The following GABBR2 variants were observed in gnomAD, a reference collection of about 807,000 sequenced individuals.
GABBR2 encodes the protein gamma-aminobutyric acid type B receptor subunit 2.
Under a neutral mutation model 105.6 loss-of-function variants are expected in GABBR2, and 23 were observed. That is an observed-to-expected ratio of 0.22 (90% CI 0.16 to 0.31). The LOEUF (loss-of-function observed/expected upper bound fraction) is 0.31. Ranked by LOEUF, GABBR2 falls within the 10% of genes least tolerant of loss-of-function variation. The probability of loss-of-function intolerance (pLI) is 1.00; values close to 1 mark genes in which losing one functional copy is unlikely to be tolerated. For synonymous variants in GABBR2, 478 were observed against 499.7 expected, an observed-to-expected ratio of 0.96 and a Z score of 0.58; for missense variants, 734 against 1,245.5, an observed-to-expected ratio of 0.59 and a Z score of 6.18.
At chr9:98,701,922 A>G (rs569234772) in intron 1 of GABBR2, among the ~76,000 whole-genome samples, 5 of 152,270 alleles carry the variant, frequency 3.3e-5, no homozygotes, top group Admixed American at 6.5e-5. Flanking sequence ...GATTGTACGG[A>G]AATAATAACA....
At chr9:98,377,639 C>A (rs950067523) in intron 11 of GABBR2, among the ~76,000 whole-genome samples, 2 of 152,182 alleles carry the variant, frequency 1.3e-5, no homozygotes, top group African/African-American at 4.8e-5. Flanking sequence ...ATTGTGGGAA[C>A]AAGAGTGCTG....
intron 3 of GABBR2, among the ~76,000 whole-genome samples, chr9:98,505,911 C>T (rs11788107): frequency 0.12 from 18,268 of 152,050 alleles, 1,788 homozygotes; most frequent in East Asian, 0.51. Flanking sequence ...TAGTTTGTGG[C>T]GATTTGTTTC....
intron 1 of GABBR2, among the ~76,000 whole-genome samples, chr9:98,705,984 G>C (rs544147460): frequency 6.6e-6 from 1 of 152,156 alleles, no homozygotes; most frequent in Admixed American, 6.5e-5. Context: ...GCTGAGGCAG[G>C]AGAATCACTT....
intron 7 of GABBR2, among the ~76,000 whole-genome samples, chr9:98,447,063 CTTT>C (rs369338702): frequency 1.0e-4 from 12 of 116,336 alleles, no homozygotes; most frequent in East Asian, 3.6e-4. Flanking sequence ...AAAAAGACTT[CTTT>C]TTTTTTTTTT....
chr9:98,654,027 G>A (rs1460616352), intron 1 of GABBR2, among the ~76,000 whole-genome samples: 1 of 152,174 alleles, frequency 6.6e-6, no homozygotes, highest in Non-Finnish European at 1.5e-5. Flanking sequence ...GACTATCCTG[G>A]GACTTACATT....
At chr9:98,690,807 G>T (rs1485633954) in intron 1 of GABBR2, among the ~76,000 whole-genome samples, 1 of 152,166 alleles carries the variant, frequency 6.6e-6, no homozygotes, top group African/African-American at 2.4e-5. Flanking sequence ...AACTGTGTGT[G>T]CACCTGCATC....
At chr9:98,566,244 G>C (rs796242094) in intron 2 of GABBR2, among the ~76,000 whole-genome samples, 2 of 152,106 alleles carry the variant, frequency 1.3e-5, no homozygotes, top group African/African-American at 4.8e-5. Flanking sequence ...GTGGGTTTTT[G>C]TATTTTACCA....
At chr9:98,497,885 T>A (rs193098219) in intron 3 of GABBR2, among the ~76,000 whole-genome samples, 6 of 152,334 alleles carry the variant, frequency 3.9e-5, no homozygotes, top group African/African-American at 1.2e-4. Flanking sequence ...TCTGGGCACG[T>A]ACCCAAAAGA....
At chr9:98,467,168 T>C (rs1458014117) in intron 6 of GABBR2, among the ~76,000 whole-genome samples, 4 of 152,196 alleles carry the variant, frequency 2.6e-5, no homozygotes, top group African/African-American at 9.7e-5. Flanking sequence ...TCCAGTGAGG[T>C]GGCAACATAC....
chr9:98,304,553 G>A (rs547849760), intron 15 of GABBR2, among the ~76,000 whole-genome samples: 3 of 152,196 alleles, frequency 2.0e-5, no homozygotes, highest in East Asian at 3.9e-4. Flanking sequence ...TTTAGGCTGG[G>A]CAGGTGTGGA....
chr9:98,383,725 A>G (rs1050733760), intron 11 of GABBR2, among the ~76,000 whole-genome samples: 22 of 152,210 alleles, frequency 1.4e-4, no homozygotes, highest in African/African-American at 5.3e-4. Context: ...CAATTTCTCG[A>G]TGATGTGTAA....
rs574771107 is a variant in GABBR2, at chr9:98,492,349, TAAAA to T, written c.732+4060_732+4063del. On this transcript the variant is annotated intron_variant, in intron 4 of 18. Transcript: ENST00000259455. ...GAGCCCGCTTAAGTTTGTTTCCTAG[TAAAA>T]AAAAAAAAAAAAAAAAAAAAAAAAT... Among the ~76,000 whole-genome samples, 174 of 29,218 alleles carry T rather than the reference TAAAA, an allele frequency of 6.0e-3. 2 individuals are homozygous for T. The East Asian group carries it at 0.088, about 15-fold the overall frequency. The allele number at this position is 29,218 out of a possible 152,430, so 19.2% of individuals were successfully genotyped here.
chr9:98,515,772 CTG>C (rs34883729), intron 3 of GABBR2, among the ~76,000 whole-genome samples: 17,128 of 152,172 alleles, frequency 0.11, 1,626 homozygotes, highest in East Asian at 0.49. Flanking sequence ...AGGATTGACT[CTG>C]GAGTGAATTT....
At chr9:98,406,347 C>G (rs372358569) in intron 7 of GABBR2, among the ~76,000 whole-genome samples, 1 of 152,222 alleles carries the variant, frequency 6.6e-6, no homozygotes, top group African/African-American at 2.4e-5. Context: ...TTGAGGAGAA[C>G]AAAATCAATA....
chr9:98,525,427 G>A (rs1198233500), intron 3 of GABBR2, among the ~76,000 whole-genome samples: 1 of 152,186 alleles, frequency 6.6e-6, no homozygotes, highest in African/African-American at 2.4e-5. Context: ...TTATTCATTA[G>A]AGAAATGCAC....
intron 8 of GABBR2, among the ~76,000 whole-genome samples, chr9:98,398,649 C>A (rs1832336978): frequency 6.6e-6 from 1 of 152,140 alleles, no homozygotes; most frequent in Non-Finnish European, 1.5e-5. Context: ...AATCTGGCAA[C>A]CATGGGCCTC....
intron 7 of GABBR2, among the ~76,000 whole-genome samples, chr9:98,449,864 C>A (rs958940572): frequency 2.6e-5 from 4 of 152,102 alleles, no homozygotes; most frequent in East Asian, 1.9e-4. Flanking sequence ...ATGTACGGCA[C>A]CCCCAAGTCA....
At chr9:98,497,589 C>T (rs1343642732) in intron 3 of GABBR2, among the ~76,000 whole-genome samples, 1 of 152,208 alleles carries the variant, frequency 6.6e-6, no homozygotes, top group African/African-American at 2.4e-5. Flanking sequence ...CCAGGTCCTG[C>T]TCTATCACTG....
At position 98,681,929 on chromosome 9, in the gene GABBR2, C is replaced by A. The variant is rs189483725; in HGVS notation, c.321+26488G>T. Among the ~76,000 whole-genome samples, 355 of 152,246 alleles carry A rather than the reference C, an allele frequency of 2.3e-3. 1 individual carries two copies. Among genetic ancestry groups the A allele is most frequent in the African/African-American group, 8.3e-3 (345 of 41,528 alleles). ...TCCAGCTATGTGAAGATGTTTAAAACCCCTACATTGGGCCAGATGCGATGG... is the reference window on the plus strand; with the variant it reads ...TCCAGCTATGTGAAGATGTTTAAAAACCCTACATTGGGCCAGATGCGATGG... On this transcript the variant is annotated intron_variant, in intron 1 of 18. Transcript: ENST00000259455.
Sources: gnomAD v4.1 joint callset for allele counts (sites outside exome capture counted in the v4.1 genomes callset) on GRCh38, gnomAD v4.1.1 for gene constraint, MANE v1.5 for transcripts, NCBI Gene and HGNC (gene_info 2026-07-23, HGNC 2026-07-21) for gene names.